CD2AP: variants seen among roughly 807,000 people sequenced by gnomAD.
CD2AP encodes CD2 associated protein.
A neutral mutation model predicts 85.1 loss-of-function variants in CD2AP; 46 were observed. That is an observed-to-expected ratio of 0.54 (90% CI 0.43 to 0.69). The LOEUF (loss-of-function observed/expected upper bound fraction) is 0.69. Among genes scored for constraint, CD2AP ranks in the 30% least tolerant of loss-of-function variants. CD2AP has a pLI of 0.00. For missense variants in CD2AP, 769 were observed against 729.5 expected (o/e 1.05, Z -0.62); for synonymous variants, 255 against 252.9 (o/e 1.01, Z -0.08).
At chr6:47,497,232 C>G (rs944695166) in intron 1 of CD2AP, among the ~76,000 whole-genome samples, 1 of 136,478 alleles carries the variant, frequency 7.3e-6, no homozygotes, top group South Asian at 2.3e-4. Flanking sequence ...CCTTTCCTTT[C>G]CTTTTCCTTT....
At chr6:47,624,133 A>G (rs377343231) in intron 17 of CD2AP, 53 bp from the exon 18 acceptor site, 2 of 1,383,972 alleles carry the variant, frequency 1.4e-6, no homozygotes, top group African/African-American at 2.8e-5. Flanking sequence ...AGTAAAATAA[A>G]CTACTAAACT....
intron 11 of CD2AP, among the ~76,000 whole-genome samples, chr6:47,590,316 GA>G (rs1488972878): frequency 6.6e-6 from 1 of 151,958 alleles, no homozygotes; most frequent in Non-Finnish European, 1.5e-5. Context: ...AAGCTTAAAT[GA>G]ATTTGTTTAC....
intron 2 of CD2AP, among the ~76,000 whole-genome samples, chr6:47,504,653 C>T (rs1016467277): frequency 2.6e-5 from 4 of 151,426 alleles, no homozygotes; most frequent in African/African-American, 7.3e-5. Context: ...TGTGGAGGGC[C>T]GACTGTATTT....
intron 13 of CD2AP, among the ~76,000 whole-genome samples, chr6:47,601,787 A>G (rs376487126): frequency 1.1e-4 from 17 of 152,052 alleles, no homozygotes; most frequent in Admixed American, 3.3e-4. Flanking sequence ...GAAAACATAC[A>G]TGAAAAACTT....
intron 4 of CD2AP, among the ~76,000 whole-genome samples, chr6:47,554,444 T>C (rs1441467882): frequency 1.3e-5 from 2 of 152,194 alleles, no homozygotes; most frequent in Non-Finnish European, 2.9e-5. Flanking sequence ...ACTGTTGATG[T>C]ATGATTAATC....
intron 9 of CD2AP, among the ~76,000 whole-genome samples, chr6:47,580,246 G>A (rs530568209): frequency 1.9e-4 from 29 of 152,014 alleles, no homozygotes; most frequent in African/African-American, 7.0e-4. Context: ...TGTACATTAC[G>A]GCTTATCAAT....
intron 7 of CD2AP, 138 bp from the exon 8 acceptor site, chr6:47,576,871 T>A (rs1768328321): frequency 3.0e-6 from 2 of 666,434 alleles, no homozygotes; most frequent in African/African-American, 3.6e-5. Flanking sequence ...GTATTGACTA[T>A]AAGTATTTTA....
intron 15 of CD2AP, among the ~76,000 whole-genome samples, 172 bp from the exon 16 acceptor site, chr6:47,608,951 T>C (rs569423526): frequency 2.0e-5 from 3 of 152,338 alleles, no homozygotes; most frequent in Middle Eastern, 3.4e-3. Flanking sequence ...ATTACAAATG[T>C]ATTCTTTAGT....
At chr6:47,489,164 GTTTTTTTTT>G (rs201094245) in intron 1 of CD2AP, 36,442 of 125,962 alleles carry the variant, frequency 0.29, 4,538 homozygotes, top group African/African-American at 0.36. Flanking sequence ...CACTCAACTA[GTTTTTTTTT>G]TTTTTTTTTT....
chr6:47,562,851 G>A, intron 5 of CD2AP: 1 of 885,356 alleles, frequency 1.1e-6, no homozygotes, highest in South Asian at 1.3e-5. Flanking sequence ...TCAACCTAAT[G>A]AAGGTTGATG....
At chr6:47,498,799 A>G (rs1241439582) in intron 1 of CD2AP, among the ~76,000 whole-genome samples, 1 of 152,238 alleles carries the variant, frequency 6.6e-6, no homozygotes, top group Admixed American at 6.5e-5. Flanking sequence ...TGAAATAATC[A>G]TGAAGTTGTA....
At chr6:47,549,107 G>A (rs1037551230) in intron 4 of CD2AP, among the ~76,000 whole-genome samples, 1 of 152,048 alleles carries the variant, frequency 6.6e-6, no homozygotes, top group Non-Finnish European at 1.5e-5. Flanking sequence ...TACTGAATGG[G>A]GAAAAATTGA....
intron 3 of CD2AP, among the ~76,000 whole-genome samples, chr6:47,537,620 T>A (rs1767086771): frequency 6.6e-6 from 1 of 152,162 alleles, no homozygotes; most frequent in South Asian, 2.1e-4. Context: ...GCTACAGACA[T>A]AATACATTAC....
chr6:47,590,378 A>G (rs1033628315), intron 11 of CD2AP, among the ~76,000 whole-genome samples: 1 of 152,152 alleles, frequency 6.6e-6, no homozygotes, highest in African/African-American at 2.4e-5. Context: ...ATATGTGTGT[A>G]TATTTTTAAA....
Position 47,599,144 on chromosome 6 carries a change from T to A in CD2AP, c.1275-157T>A, listed in dbSNP as rs562775646. On this transcript the variant is annotated intron_variant, in intron 12 of 17. Transcript: ENST00000359314. The stretch of plus-strand genomic sequence containing the variant: ...TCTCACATTTTTTATTTTATTGTGA[T>A]CAGCCTTAGGAGAGAGTTTTGCGTT... 2.9e-4 allele frequency among the ~76,000 whole-genome samples: 41 copies of A among 139,132 alleles called. 3 individuals are homozygous for A. The highest frequency in any genetic ancestry group is 6.2e-4 in the Non-Finnish European group (36 of 58,452). The allele number at this position is 139,132 out of a possible 152,430, so 91.3% of individuals were successfully genotyped here.
chr6:47,564,763 G>A (rs1767947052), intron 5 of CD2AP, among the ~76,000 whole-genome samples: 1 of 152,004 alleles, frequency 6.6e-6, no homozygotes, highest in African/African-American at 2.4e-5. Flanking sequence ...AACAGCCTCT[G>A]TCCATAATTG....
chr6:47,589,182 A>T (rs1308159394), intron 11 of CD2AP, among the ~76,000 whole-genome samples: 1 of 152,048 alleles, frequency 6.6e-6, no homozygotes, highest in Non-Finnish European at 1.5e-5. Context: ...GGGATTTGAT[A>T]CGAAATATTG....
intron 11 of CD2AP, among the ~76,000 whole-genome samples, chr6:47,595,629 T>C (rs1419215116): frequency 6.6e-6 from 1 of 152,080 alleles, no homozygotes; most frequent in Non-Finnish European, 1.5e-5. Context: ...AATCGGAAGC[T>C]TATTAGTGGT....
At chr6:47,519,658 G>C (rs545980290) in intron 2 of CD2AP, among the ~76,000 whole-genome samples, 4 of 152,262 alleles carry the variant, frequency 2.6e-5, no homozygotes, top group Admixed American at 2.6e-4. Flanking sequence ...ATATATAGTG[G>C]AATTTATTAT....
Sources: allele counts gnomAD v4.1 joint callset (sites outside exome capture counted in the v4.1 genomes callset), GRCh38; gene constraint gnomAD v4.1.1; transcripts MANE v1.5; gene names NCBI Gene and HGNC (gene_info 2026-07-23, HGNC 2026-07-21).